Variants in HDGFL3 observed in about 807,000 individuals in gnomAD.
HDGFL3 encodes hepatoma-derived growth factor-related protein 3.
Under a neutral mutation model 27.6 loss-of-function variants are expected in HDGFL3, and 6 were observed. That is an observed-to-expected ratio of 0.22 (90% CI 0.12 to 0.43). The LOEUF (loss-of-function observed/expected upper bound fraction) is 0.43. HDGFL3 is among the 20% of genes least tolerant of loss of function. The probability of loss-of-function intolerance (pLI) is 1.00; values close to 1 mark genes in which losing one functional copy is unlikely to be tolerated. For missense variants in HDGFL3, 207 were observed against 250.1 expected, an observed-to-expected ratio of 0.83 and a Z score of 1.16; for synonymous variants, 88 against 88.9, an observed-to-expected ratio of 0.99 and a Z score of 0.05.
At chr15:83,141,481 C>A (rs2036770084) in intron 5 of HDGFL3, among the ~76,000 whole-genome samples, 1 of 152,168 alleles carries the variant, frequency 6.6e-6, no homozygotes, top group Admixed American at 6.5e-5. Flanking sequence ...AAATAAGTAA[C>A]TTATTACTTG....
chr15:83,127,748 C>G (rs535305399), downstream of HDGFL3: 1 of 349,200 alleles, frequency 2.9e-6, no homozygotes, highest in South Asian at 2.8e-5. Flanking sequence ...GTTACACACC[C>G]AGCATGTGGC....
chr15:83,198,884 G>A (rs998138951), intron 1 of HDGFL3, among the ~76,000 whole-genome samples: 1 of 152,150 alleles, frequency 6.6e-6, no homozygotes, highest in Middle Eastern at 3.4e-3. Context: ...ACCACACTGG[G>A]GATAAAATTT....
chr15:83,188,710 AG>A (rs745906346), intron 1 of HDGFL3, among the ~76,000 whole-genome samples: 4 of 152,172 alleles, frequency 2.6e-5, no homozygotes, highest in Non-Finnish European at 5.9e-5. Context: ...CTCCTTTCAT[AG>A]CCCCTCTTCT....
At chr15:83,141,083 A>G (rs2036760213) in intron 5 of HDGFL3, among the ~76,000 whole-genome samples, 1 of 152,176 alleles carries the variant, frequency 6.6e-6, no homozygotes, top group Non-Finnish European at 1.5e-5. Context: ...CTCATACCAT[A>G]ATCACTTTGC....
rs545890066 is a variant in HDGFL3 at position 83,201,585 on chromosome 15, A to C, written c.84+5746T>G. Among the ~76,000 whole-genome samples the C allele has an allele frequency of 1.4e-4, 22 of 152,318 alleles. 1 individual carries two copies. The South Asian group carries it at 4.6e-3, about 32-fold the overall frequency. On this transcript the variant is annotated intron_variant, in intron 1 of 5. Transcript: ENST00000299633. ...CCTATAATACTTTTCTAATGCAAAC[A>C]GGCTTTTCAATGAAGTTGTACATAA...
rs1465092009 is a variant in HDGFL3 at position 83,135,519 on chromosome 15, A to G, written c.*3751T>C. ...ATTTCAGCAAGATATGAAAATGCAG[A>G]CTCCAGGGGTACATTTTGTAATGAT... On this transcript the variant is annotated 3_prime_UTR_variant, in exon 6 of 6. Coordinates refer to ENST00000299633, the MANE Select transcript of HDGFL3 (RefSeq NM_016073.4). 1.3e-5 allele frequency: 2 copies of G among 152,128 alleles called. No homozygotes were observed. Among genetic ancestry groups the G allele is most frequent in the East Asian group, 3.9e-4 (2 of 5,194 alleles). 9.4% of individuals were successfully genotyped at this position (152,128 alleles called of 1,614,324 possible).
intron 1 of HDGFL3, among the ~76,000 whole-genome samples, chr15:83,188,386 G>C (rs1183060390): frequency 6.6e-6 from 1 of 152,172 alleles, no homozygotes; most frequent in East Asian, 1.9e-4. Context: ...GAGTAGCTGG[G>C]ACTACAGGTG....
intron 3 of HDGFL3, chr15:83,116,057 T>G (rs2065615528): frequency 3.8e-6 from 3 of 782,584 alleles, no homozygotes; most frequent in Non-Finnish European, 6.4e-6. Flanking sequence ...ACGCAGGCTT[T>G]CATTTCCTAT....
intron 1 of HDGFL3, among the ~76,000 whole-genome samples, chr15:83,171,615 T>C (rs1241446582): frequency 6.6e-6 from 1 of 152,198 alleles, no homozygotes; most frequent in East Asian, 1.9e-4. Context: ...TGGAGGCCAT[T>C]ATCTTAAGCA....
At chr15:83,139,490 A>G (rs1736840526) in intron 5 of HDGFL3, among the ~76,000 whole-genome samples, 1 of 152,344 alleles carries the variant, frequency 6.6e-6, no homozygotes, top group East Asian at 1.9e-4. Flanking sequence ...GGGTATTTTT[A>G]GTGTCCCATA....
At chr15:83,121,083 T>A (rs996244598) in intron 3 of HDGFL3, among the ~76,000 whole-genome samples, 3 of 151,898 alleles carry the variant, frequency 2.0e-5, no homozygotes, top group Non-Finnish European at 4.4e-5. Flanking sequence ...TTTTTTTTTT[T>A]ATTTTGAGAC....
exon 4 of HDGFL3, chr15:83,115,675 G>A: frequency 1.4e-6 from 1 of 699,120 alleles, no homozygotes; most frequent in East Asian, 2.7e-5. Context: ...AACACAGGTG[G>A]AGGTCCAGCT....
chr15:83,195,259 T>C (rs568203311), intron 1 of HDGFL3, among the ~76,000 whole-genome samples: 135 of 152,292 alleles, frequency 8.9e-4, no homozygotes, highest in African/African-American at 2.7e-3. Flanking sequence ...AACTTGAGGA[T>C]TGTATTTGTG....
intron 1 of HDGFL3, among the ~76,000 whole-genome samples, chr15:83,188,924 C>T (rs2037477908): frequency 6.6e-6 from 1 of 152,176 alleles, no homozygotes; most frequent in African/African-American, 2.4e-5. Flanking sequence ...ATCTACTTAG[C>T]TTTCAAGATT....
At chr15:83,124,722 A>G (rs1159849410), downstream of HDGFL3, 1 of 1,614,148 alleles carries the variant, frequency 6.2e-7, no homozygotes, top group Middle Eastern at 1.7e-4. Flanking sequence ...CATTTGATTT[A>G]ATGTTGGTTG....
At chr15:83,190,839 T>A (rs373961268) in intron 1 of HDGFL3, among the ~76,000 whole-genome samples, 13 of 152,338 alleles carry the variant, frequency 8.5e-5, no homozygotes, top group African/African-American at 2.6e-4. Flanking sequence ...AAATTCTTCC[T>A]TACTCCAGGG....
intron 3 of HDGFL3, among the ~76,000 whole-genome samples, chr15:83,118,621 T>C (rs184800321): frequency 6.6e-6 from 1 of 152,264 alleles, no homozygotes; most frequent in Admixed American, 6.5e-5. Context: ...CAGGGGAGCA[T>C]GAAGCTTAAG....
chr15:83,192,439 C>G (rs924562432), intron 1 of HDGFL3: 1 of 382,470 alleles, frequency 2.6e-6, no homozygotes. Flanking sequence ...GTTAAGAGAG[C>G]AGACATGGTG....
At chr15:83,168,599 C>CG (rs1181195968) in intron 1 of HDGFL3, among the ~76,000 whole-genome samples, 1 of 152,110 alleles carries the variant, frequency 6.6e-6, no homozygotes, top group Non-Finnish European at 1.5e-5. Context: ...AATTGAAACA[C>CG]GGAACAGACC....
Sources: gnomAD v4.1 joint callset for allele counts (sites outside exome capture counted in the v4.1 genomes callset) on GRCh38, gnomAD v4.1.1 for gene constraint, MANE v1.5 for transcripts, NCBI Gene and HGNC (gene_info 2026-07-23, HGNC 2026-07-21) for gene names.